Variants in PCDHGB7 observed in about 807,000 individuals in gnomAD.
The protein encoded by PCDHGB7 is protocadherin gamma-B7.
A neutral mutation model predicts 61.4 loss-of-function variants in PCDHGB7; 37 were observed. The ratio of observed to expected loss-of-function variants is 0.60; its 90% CI spans 0.46 to 0.79. The LOEUF is 0.79. PCDHGB7 is among the 30% of genes least tolerant of loss of function. The pLI is 0.00. For synonymous variants in PCDHGB7, 464 were observed against 503.5 expected, an observed-to-expected ratio of 0.92 and a Z score of 1.05; for missense variants, 1,166 against 1,202.5, an observed-to-expected ratio of 0.97 and a Z score of 0.45.
intron 1 of PCDHGB7, chr5:141,478,104 C>T (rs1440105341): frequency 6.2e-7 from 1 of 1,614,118 alleles, no homozygotes; most frequent in South Asian, 1.1e-5. Flanking sequence ...GCTACCCTCA[C>T]TGTGTCAGTA....
chr5:141,478,424 G>A, intron 1 of PCDHGB7: 2 of 1,613,686 alleles, frequency 1.2e-6, no homozygotes, highest in African/African-American at 1.3e-5. Context: ...CCGCCGCAGC[G>A]ACCCGCTGCT....
intron 1 of PCDHGB7, 35 bp downstream of exon 1, chr5:141,420,309 A>G (rs1263620304): frequency 2.7e-6 from 4 of 1,460,536 alleles, no homozygotes; most frequent in Non-Finnish European, 3.7e-6. Context: ...TCCTTTTTAT[A>G]TTACAATATG....
In PCDHGB7 at chr5:141,485,368, G is replaced by T. The variant is rs2154580406; in HGVS notation, c.2416-9439G>T. On this transcript the variant is annotated intron_variant, in intron 1 of 3. Coordinates refer to ENST00000398594, the MANE Select transcript of PCDHGB7 (RefSeq NM_018927.4). This position sits in a 1 kb window ranked among gnomAD's most constrained non-coding sequence, Gnocchi z 5.7. Reference sequence around the variant, plus strand: ...ACAGTCTGTCAGCTCGCAGGCTGCAGGTCGCTGGAGAGGTGAACCAAAGAC... The same window carrying T: ...ACAGTCTGTCAGCTCGCAGGCTGCATGTCGCTGGAGAGGTGAACCAAAGAC... The T allele has an allele frequency of 6.2e-7, 1 of 1,614,144 alleles. No individual in the cohort carries two copies. The highest frequency in any genetic ancestry group is 2.2e-5 in the East Asian group (1 of 44,866).
rs369748404 is a variant in PCDHGB7 at position 141,476,671 on chromosome 5, G to A, written c.2416-18136G>A. The A allele has an allele frequency of 6.2e-7, 1 of 1,614,128 alleles. No homozygotes were observed. Among genetic ancestry groups the A allele is most frequent in the Non-Finnish European group, 8.5e-7 (1 of 1,180,056 alleles). On this transcript the variant is annotated intron_variant, in intron 1 of 3. Coordinates refer to ENST00000398594, the MANE Select transcript of PCDHGB7 (RefSeq NM_018927.4). This position sits in a 1 kb window ranked among gnomAD's most constrained non-coding sequence, Gnocchi z 7.6. ...ATGAATACTTTGCGCTTCGCGTGCA[G>A]ACGCGGGAGGACAGCACCAAGTACG...
Position 141,485,432 on chromosome 5 carries a change from A to C in PCDHGB7, c.2416-9375A>C. The C allele has an allele frequency of 6.2e-7, 1 of 1,614,178 alleles. No individual in the cohort carries two copies. Among genetic ancestry groups the C allele is most frequent in the Non-Finnish European group, 8.5e-7 (1 of 1,180,028 alleles). ...TTTGGACAGCGGAGCCCTGCTCATC[A>C]AGAACCCAATCGACCGAGAGGCACT... On this transcript the variant is annotated intron_variant, in intron 1 of 3. Transcript: ENST00000398594. The surrounding 1 kb of genome is among the most constrained non-coding windows in gnomAD (Gnocchi z 5.7).
chr5:141,489,247 C>T lies in PCDHGB7; in HGVS notation c.2416-5560C>T. 6.5e-7 allele frequency: 1 copy of T among 1,546,012 alleles called. No individual in the cohort carries two copies. The highest frequency in any genetic ancestry group is 8.7e-7 in the Non-Finnish European group (1 of 1,146,298). ...ACAAAGGGACTTCTGGGTCATGGGGCCCAAGACACTCCCACAGCTCGCTGG... is the reference window on the plus strand; with the variant it reads ...ACAAAGGGACTTCTGGGTCATGGGGTCCAAGACACTCCCACAGCTCGCTGG... On this transcript the variant is annotated intron_variant, in intron 1 of 3. Coordinates refer to ENST00000398594, the MANE Select transcript of PCDHGB7 (RefSeq NM_018927.4). This position sits in a 1 kb window ranked among gnomAD's most constrained non-coding sequence, Gnocchi z 4.5.
intron 1 of PCDHGB7, among the ~76,000 whole-genome samples, chr5:141,481,031 C>G (rs926205148): frequency 1.3e-5 from 2 of 152,108 alleles, no homozygotes; most frequent in Non-Finnish European, 2.9e-5. Flanking sequence ...GCACTCCAGC[C>G]TGGGCGACAG....
At chr5:141,438,896 CCT>C (rs886177991) in intron 1 of PCDHGB7, among the ~76,000 whole-genome samples, 30 of 151,820 alleles carry the variant, frequency 2.0e-4, no homozygotes, top group Non-Finnish European at 7.4e-5. Context: ...GAACTCCTGA[CCT>C]CAGGTGATCC....
At chr5:141,461,281 C>T (rs1305044383) in intron 1 of PCDHGB7, among the ~76,000 whole-genome samples, 1 of 152,050 alleles carries the variant, frequency 6.6e-6, no homozygotes, top group Non-Finnish European at 1.5e-5. Flanking sequence ...CTCTTTTCCC[C>T]ACATCCACAC....
At position 141,477,368 on chromosome 5, in the gene PCDHGB7, G is replaced by A; in HGVS notation, c.2416-17439G>A. Reference sequence around the variant, plus strand: ...GAAAACCAGTGCAGACCTGGATCGGGAGACTGTGCCAGAATACAACCTCAG... The same window carrying A: ...GAAAACCAGTGCAGACCTGGATCGGAAGACTGTGCCAGAATACAACCTCAG... On this transcript the variant is annotated intron_variant, in intron 1 of 3. Coordinates refer to ENST00000398594, the MANE Select transcript of PCDHGB7 (RefSeq NM_018927.4). The surrounding 1 kb of genome is among the most constrained non-coding windows in gnomAD (Gnocchi z 4.9). 6.2e-7 allele frequency: 1 copy of A among 1,614,132 alleles called. No individual in the cohort carries two copies. Among genetic ancestry groups the A allele is most frequent in the Non-Finnish European group, 8.5e-7 (1 of 1,180,024 alleles).
At chr5:141,448,948 A>AAAAC (rs1237948751) in intron 1 of PCDHGB7, among the ~76,000 whole-genome samples, 2 of 152,170 alleles carry the variant, frequency 1.3e-5, no homozygotes, top group African/African-American at 2.4e-5. Flanking sequence ...GCAACTCAAA[A>AAAAC]AAACAAACAA....
chr5:141,510,069 CCAGCAGAGTGCCTGG>C (rs994886462), intron 3 of PCDHGB7, among the ~76,000 whole-genome samples: 12 of 152,260 alleles, frequency 7.9e-5, no homozygotes, highest in Admixed American at 7.8e-4. Context: ...TGTGAAGCAT[CCAGCAGAGTGCCTGG>C]CACACAGTAG....
chr5:141,470,791 A>G (rs1234712958), intron 1 of PCDHGB7, among the ~76,000 whole-genome samples: 3 of 152,152 alleles, frequency 2.0e-5, no homozygotes, highest in African/African-American at 7.2e-5. Context: ...GGGCTCAAGC[A>G]ATCCTCCCAC....
intron 1 of PCDHGB7, among the ~76,000 whole-genome samples, chr5:141,425,841 C>T (rs936781561): frequency 2.0e-5 from 3 of 152,190 alleles, no homozygotes; most frequent in African/African-American, 7.2e-5. Context: ...ATTCTCTTTG[C>T]TGGGTTAATG....
At chr5:141,423,694 T>A in intron 1 of PCDHGB7, 1 of 1,501,554 alleles carries the variant, frequency 6.7e-7, no homozygotes, top group Non-Finnish European at 8.9e-7. Context: ...TAATTGTTGG[T>A]GTCTTGGCAC....
intron 1 of PCDHGB7, chr5:141,427,440 G>C (rs747459662): frequency 4.2e-6 from 2 of 477,366 alleles, no homozygotes; most frequent in African/African-American, 2.0e-5. Flanking sequence ...CCTCATAAAC[G>C]AAAGAGTTCC....
At chr5:141,508,242 GC>G (rs1344624071) in intron 3 of PCDHGB7, 1 of 152,310 alleles carries the variant, frequency 6.6e-6, no homozygotes, top group African/African-American at 2.4e-5. Context: ...TCCTAAGTCT[GC>G]CTCTCCTGGG....
chr5:141,509,273 C>T (rs1026035086), intron 3 of PCDHGB7, among the ~76,000 whole-genome samples: 1 of 152,098 alleles, frequency 6.6e-6, no homozygotes, highest in Admixed American at 6.5e-5. Flanking sequence ...CTCTCGCTAC[C>T]CGCTCCCAGG....
At chr5:141,428,187 C>G in intron 1 of PCDHGB7, 3 of 1,439,502 alleles carry the variant, frequency 2.1e-6, no homozygotes, top group South Asian at 1.2e-5. Flanking sequence ...GGACAGCCGC[C>G]GCTCTCTGCG....
Sources: allele counts gnomAD v4.1 joint callset (sites outside exome capture counted in the v4.1 genomes callset), GRCh38; gene constraint gnomAD v4.1.1; non-coding constraint Gnocchi (gnomAD v3.1); transcripts MANE v1.5; gene names NCBI Gene and HGNC (gene_info 2026-07-23, HGNC 2026-07-21).